The following RNF121 variants were observed in gnomAD, a reference collection of about 807,000 sequenced individuals.
RNF121 encodes ring finger protein 121, also known as E3 ubiquitin ligase RNF121.
A neutral mutation model predicts 46.5 loss-of-function variants in RNF121; 21 were observed. The ratio of observed to expected loss-of-function variants is 0.45; its 90% CI spans 0.32 to 0.65. RNF121 has a LOEUF of 0.65. RNF121 is among the 30% of genes least tolerant of loss of function. The pLI, the probability that RNF121 is intolerant of heterozygous loss-of-function variation, is 0.04. For synonymous variants in RNF121, 139 were observed against 144.7 expected, an observed-to-expected ratio of 0.96 and a Z score of 0.28; for missense variants, 346 against 416.0, an observed-to-expected ratio of 0.83 and a Z score of 1.46.
At chr11:71,952,536 C>T (rs972125556) in intron 1 of RNF121, among the ~76,000 whole-genome samples, 4 of 152,268 alleles carry the variant, frequency 2.6e-5, no homozygotes, top group South Asian at 2.1e-4. Flanking sequence ...TGGCCAGGCT[C>T]GGTGGCTCAT....
chr11:71,981,857 G>A (rs1954666602), intron 3 of RNF121, among the ~76,000 whole-genome samples: 1 of 152,160 alleles, frequency 6.6e-6, no homozygotes, highest in African/African-American at 2.4e-5. Flanking sequence ...CTACCCACAA[G>A]GAGCTTACAT....
chr11:71,934,554 A>G (rs1202231718), intron 1 of RNF121, among the ~76,000 whole-genome samples: 4 of 152,172 alleles, frequency 2.6e-5, no homozygotes, highest in Non-Finnish European at 1.5e-5. Flanking sequence ...CCCTATAGAC[A>G]TTTAGTAAAT....
chr11:71,952,596 G>A (rs1953907689), intron 1 of RNF121, among the ~76,000 whole-genome samples: 1 of 151,958 alleles, frequency 6.6e-6, no homozygotes. Context: ...GTCACTTGAG[G>A]TCAGAAGTTC....
At chr11:71,942,405 T>TG (rs1446684293) in intron 1 of RNF121, among the ~76,000 whole-genome samples, 1 of 151,880 alleles carries the variant, frequency 6.6e-6, no homozygotes, top group Non-Finnish European at 1.5e-5. Context: ...TTGGATTCGG[T>TG]GGGGGGTGTT....
At chr11:71,982,335 C>CAAAAAAAAAAAAAAAAAAAAAA (rs10635678) in intron 3 of RNF121, among the ~76,000 whole-genome samples, 1 of 79,114 alleles carries the variant, frequency 1.3e-5, no homozygotes, top group Non-Finnish European at 2.3e-5. Flanking sequence ...GACTCCATCT[C>CAAAAAAAAAAAAAAAAAAAAAA]AAAAAAAAAA....
intron 1 of RNF121, among the ~76,000 whole-genome samples, chr11:71,940,262 G>A (rs1367005928): frequency 1.3e-5 from 2 of 152,130 alleles, no homozygotes; most frequent in African/African-American, 2.4e-5. Flanking sequence ...AGTCTAGTTA[G>A]AAAAATAAGA....
intron 7 of RNF121, 199 bp from the exon 8 acceptor site, chr11:71,995,251 C>T: frequency 1.7e-6 from 1 of 598,686 alleles, no homozygotes; most frequent in South Asian, 2.0e-5. Context: ...GTATTGTCTC[C>T]ATTTTGCCCC....
chr11:71,975,331 A>G (rs79173823), intron 3 of RNF121, among the ~76,000 whole-genome samples: 3,082 of 152,166 alleles, frequency 0.02, 37 homozygotes, highest in Middle Eastern at 0.065. Flanking sequence ...AGTCTCATCT[A>G]CCTCTTTAGG....
intron 1 of RNF121, among the ~76,000 whole-genome samples, chr11:71,947,625 G>A (rs1953757674): frequency 6.6e-6 from 1 of 152,212 alleles, no homozygotes; most frequent in African/African-American, 2.4e-5. Context: ...GCCATTTGGT[G>A]GAGAGTGGTG....
At chr11:71,955,376 G>C (rs140530953) in intron 1 of RNF121, among the ~76,000 whole-genome samples, 1 of 152,274 alleles carries the variant, frequency 6.6e-6, no homozygotes, top group African/African-American at 2.4e-5. Context: ...AGTGGGTCTG[G>C]AGTGGTACCT....
At chr11:71,995,347 A>C in intron 7 of RNF121, 103 bp from the exon 8 acceptor site, 4 of 867,168 alleles carry the variant, frequency 4.6e-6, no homozygotes, top group Non-Finnish European at 5.6e-6. Flanking sequence ...CCAACATTAC[A>C]GAGCTGATAA....
chr11:71,935,148 G>A (rs1953377447), intron 1 of RNF121, among the ~76,000 whole-genome samples: 1 of 152,010 alleles, frequency 6.6e-6, no homozygotes, highest in Admixed American at 6.6e-5. Context: ...GCTCAGACTG[G>A]TCTCGAACTC....
At chr11:71,951,309 A>G (rs1256901908) in intron 1 of RNF121, among the ~76,000 whole-genome samples, 1 of 152,120 alleles carries the variant, frequency 6.6e-6, no homozygotes, top group African/African-American at 2.4e-5. Context: ...ATTCATTGAC[A>G]TATAGCAAGT....
intron 2 of RNF121, among the ~76,000 whole-genome samples, chr11:71,959,932 G>A (rs965901516): frequency 1.3e-5 from 2 of 152,096 alleles, no homozygotes. Context: ...CACCGCGCCC[G>A]GCCTCTAATT....
intron 4 of RNF121, among the ~76,000 whole-genome samples, chr11:71,983,962 A>G (rs1419304601): frequency 6.6e-6 from 1 of 152,220 alleles, no homozygotes; most frequent in Non-Finnish European, 1.5e-5. Flanking sequence ...TAGGTGATCC[A>G]TAAGTTCCTC....
chr11:71,935,602 A>T (rs1041133534), intron 1 of RNF121, among the ~76,000 whole-genome samples: 1 of 152,192 alleles, frequency 6.6e-6, no homozygotes, highest in African/African-American at 2.4e-5. Context: ...TGTGCCTGGC[A>T]TAGAGTATGA....
intron 3 of RNF121, among the ~76,000 whole-genome samples, chr11:71,969,573 T>C (rs1230664491): frequency 1.3e-5 from 2 of 152,192 alleles, no homozygotes; most frequent in Non-Finnish European, 2.9e-5. Context: ...CATATTTTAC[T>C]TTATTTTGAG....
At chr11:71,942,740 ACT>A (rs1229014376) in intron 1 of RNF121, among the ~76,000 whole-genome samples, 9 of 150,330 alleles carry the variant, frequency 6.0e-5, no homozygotes, top group African/African-American at 1.2e-4. Flanking sequence ...CTCCAGCGAG[ACT>A]CTGTCTCCAA....
intron 5 of RNF121, among the ~76,000 whole-genome samples, chr11:71,988,833 AAAAT>A (rs1245263158): frequency 1.3e-5 from 2 of 152,098 alleles, no homozygotes; most frequent in African/African-American, 2.4e-5. Context: ...GAAAAAAATA[AAAAT>A]AAATAAATCC....
Sources: allele counts gnomAD v4.1 joint callset (sites outside exome capture counted in the v4.1 genomes callset), GRCh38; gene constraint gnomAD v4.1.1; transcripts MANE v1.5; gene names NCBI Gene and HGNC (gene_info 2026-07-23, HGNC 2026-07-21).